Variants in NCOR1 observed in about 807,000 individuals in gnomAD.
NCOR1 encodes the protein protein phosphatase 1, regulatory subunit 109.
A neutral mutation model predicts 288.1 loss-of-function variants in NCOR1; 63 were observed. The observed-to-expected ratio is 0.22, with a 90% confidence interval of 0.18 to 0.27. The LOEUF (loss-of-function observed/expected upper bound fraction) is 0.27. Ranked by LOEUF, NCOR1 falls within the 10% of genes least tolerant of loss-of-function variation. NCOR1 has a pLI of 1.00. For synonymous variants in NCOR1, 1,007 were observed against 1,065.9 expected (o/e 0.94, Z 1.08); for missense variants, 2,397 against 3,019.2 (o/e 0.79, Z 4.83).
At chr17:16,127,537 G>C (rs1015729356) in intron 14 of NCOR1, among the ~76,000 whole-genome samples, 1 of 138,428 alleles carries the variant, frequency 7.2e-6, no homozygotes, top group African/African-American at 3.0e-5. Context: ...GTATATATCT[G>C]CATGTATATA....
chr17:16,175,530 A>G (rs2083980467), intron 3 of NCOR1, among the ~76,000 whole-genome samples: 1 of 152,212 alleles, frequency 6.6e-6, no homozygotes. Context: ...AACTTTAAAG[A>G]ATTTTAAAGC....
At chr17:16,115,942 T>A (rs1441875644) in intron 18 of NCOR1, among the ~76,000 whole-genome samples, 4 of 152,206 alleles carry the variant, frequency 2.6e-5, no homozygotes, top group Admixed American at 6.5e-5. Flanking sequence ...GTTTTCACGC[T>A]GCTTATAAAG....
intron 10 of NCOR1, among the ~76,000 whole-genome samples, chr17:16,144,531 TTCA>T (rs2153321671): frequency 6.6e-6 from 1 of 152,278 alleles, no homozygotes; most frequent in South Asian, 2.1e-4. Context: ...TACAGATTAT[TTCA>T]TCACTCTGCT....
chr17:16,201,957 T>C (rs1600494587), intron 1 of NCOR1, among the ~76,000 whole-genome samples: 2 of 152,120 alleles, frequency 1.3e-5, no homozygotes, highest in Admixed American at 1.3e-4. Flanking sequence ...CTGGGCGCGG[T>C]GGCTCACGCC....
At chr17:16,049,497 T>C (rs1413491247) in intron 40 of NCOR1, 1 of 152,178 alleles carries the variant, frequency 6.6e-6, no homozygotes, top group East Asian at 1.9e-4. Context: ...GGCAGAGGGG[T>C]TCTCTGCAAT....
chr17:16,165,587 A>G (rs1002829402), intron 4 of NCOR1, among the ~76,000 whole-genome samples: 6 of 152,204 alleles, frequency 3.9e-5, no homozygotes, highest in African/African-American at 1.4e-4. Context: ...CAACTTAACA[A>G]CTATAACATG....
At chr17:16,146,661 C>T in intron 9 of NCOR1, 113 bp from the exon 10 acceptor site, 2 of 975,538 alleles carry the variant, frequency 2.1e-6, no homozygotes, top group Non-Finnish European at 2.9e-6. Context: ...GTACATTTGG[C>T]TTATGACTCA....
chr17:16,198,948 T>A (rs1291521747), intron 1 of NCOR1, among the ~76,000 whole-genome samples: 1 of 151,952 alleles, frequency 6.6e-6, no homozygotes, highest in East Asian at 1.9e-4. Context: ...AACAGTGGCC[T>A]AAATGATTAG....
intron 44 of NCOR1, among the ~76,000 whole-genome samples, chr17:16,038,248 T>C (rs2056826487): frequency 1.3e-5 from 2 of 152,182 alleles, no homozygotes; most frequent in South Asian, 4.1e-4. Context: ...GGTTGTAAGA[T>C]TAAAGCTTAG....
At chr17:16,072,040 A>C (rs1030160145) in intron 29 of NCOR1, 105 bp downstream of exon 29, 16 of 890,290 alleles carry the variant, frequency 1.8e-5, no homozygotes, top group Admixed American at 2.7e-5. Context: ...AATATTTCAA[A>C]AGGGAAAATA....
intron 3 of NCOR1, among the ~76,000 whole-genome samples, chr17:16,176,118 C>T (rs2084124138): frequency 6.6e-6 from 1 of 151,972 alleles, no homozygotes; most frequent in Non-Finnish European, 1.5e-5. Flanking sequence ...ACTTGGGAGG[C>T]TGAGGTAGGA....
At chr17:16,165,307 C>T in intron 4 of NCOR1, 146 bp from the exon 5 acceptor site, 2 of 613,896 alleles carry the variant, frequency 3.3e-6, no homozygotes, top group Non-Finnish European at 5.5e-6. Flanking sequence ...TTCATATTCA[C>T]ATACATGCAA....
intron 2 of NCOR1, among the ~76,000 whole-genome samples, chr17:16,187,540 T>TAA (rs35461013): frequency 1.7e-4 from 24 of 140,022 alleles, no homozygotes; most frequent in African/African-American, 5.8e-4. Flanking sequence ...ATACTAAGTT[T>TAA]AAAAAAAAAA....
chr17:16,110,124 G>A (rs2069712171), intron 18 of NCOR1, among the ~76,000 whole-genome samples: 1 of 152,170 alleles, frequency 6.6e-6, no homozygotes, highest in Admixed American at 6.5e-5. Context: ...GGAGACTGAG[G>A]TGGGAGGATC....
At chr17:16,054,700 T>C (rs11656046) in intron 40 of NCOR1, among the ~76,000 whole-genome samples, 85,035 of 151,942 alleles carry the variant, frequency 0.56, 24,223 homozygotes, top group African/African-American at 0.6. Context: ...GAAGCTGAGG[T>C]GGGTAGATCA....
chr17:16,182,582 G>C (rs1204435235), intron 3 of NCOR1, among the ~76,000 whole-genome samples: 1 of 152,160 alleles, frequency 6.6e-6, no homozygotes, highest in Admixed American at 6.5e-5. Context: ...AGCCTCCAGA[G>C]TAGCTGGGAC....
At chr17:16,113,391 T>C (rs1199728856) in intron 18 of NCOR1, among the ~76,000 whole-genome samples, 3 of 152,150 alleles carry the variant, frequency 2.0e-5, no homozygotes, top group Non-Finnish European at 2.9e-5. Flanking sequence ...CATTAAGTAA[T>C]CTAATGTTTT....
chr17:16,205,937 CAA>C (rs199837579), intron 1 of NCOR1, among the ~76,000 whole-genome samples: 17 of 67,734 alleles, frequency 2.5e-4, no homozygotes, highest in Admixed American at 3.6e-4. Flanking sequence ...TACTCCGTCT[CAA>C]AAAAAAAAAA....
At chr17:16,204,580 G>A (rs2091260592) in intron 1 of NCOR1, among the ~76,000 whole-genome samples, 1 of 151,870 alleles carries the variant, frequency 6.6e-6, no homozygotes, top group Non-Finnish European at 1.5e-5. Context: ...TTAAAGCAAA[G>A]ACACATAGAG....
Sources: allele counts gnomAD v4.1 joint callset (sites outside exome capture counted in the v4.1 genomes callset), GRCh38; gene constraint gnomAD v4.1.1; transcripts MANE v1.5; gene names NCBI Gene and HGNC (gene_info 2026-07-23, HGNC 2026-07-21).